Variants in LRP1B observed in about 807,000 individuals in gnomAD.
The protein encoded by LRP1B is LDL receptor related protein 1B.
A neutral mutation model predicts 556.6 loss-of-function variants in LRP1B; 217 were observed. The ratio of observed to expected loss-of-function variants is 0.39; its 90% confidence interval spans 0.35 to 0.44. The LOEUF (loss-of-function observed/expected upper bound fraction) is 0.44. LRP1B is among the 20% of genes least tolerant of loss of function. The pLI is 1.00. For missense variants in LRP1B, 5,053 were observed against 5,620.8 expected, an observed-to-expected ratio of 0.90 and a Z score of 3.23; for synonymous variants, 2,047 against 1,865.8, an observed-to-expected ratio of 1.10 and a Z score of -2.50.
chr2:142,112,868 A>C (rs975442826), intron 1 of LRP1B, among the ~76,000 whole-genome samples: 4 of 152,146 alleles, frequency 2.6e-5, no homozygotes, highest in African/African-American at 9.7e-5. Context: ...ACACAAAGCA[A>C]TGTGTGTTGC....
intron 43 of LRP1B, among the ~76,000 whole-genome samples, chr2:140,580,654 C>A (rs553306270): frequency 6.6e-5 from 10 of 151,786 alleles, no homozygotes; most frequent in Non-Finnish European, 1.5e-4. Context: ...CGGATGAAGT[C>A]TGTCATTATG....
At chr2:141,754,250 A>AG (rs1340248886) in intron 2 of LRP1B, among the ~76,000 whole-genome samples, 1 of 152,146 alleles carries the variant, frequency 6.6e-6, no homozygotes, top group African/African-American at 2.4e-5. Context: ...CAATGAAAAA[A>AG]AAAATCCTTG....
chr2:140,655,032 G>GTGTA (rs767709816), intron 41 of LRP1B, among the ~76,000 whole-genome samples: 4 of 147,090 alleles, frequency 2.7e-5, no homozygotes, highest in African/African-American at 1.0e-4. Flanking sequence ...GTATATGTAT[G>GTGTA]TATATATATA....
chr2:140,969,337 C>T (rs1246604271), intron 18 of LRP1B, among the ~76,000 whole-genome samples: 1 of 152,168 alleles, frequency 6.6e-6, no homozygotes, highest in Non-Finnish European at 1.5e-5. Context: ...TTATCAGAGA[C>T]TAGGATTGCA....
rs1680521640 is a variant in LRP1B, at chr2:140,232,681, A to G, written c.*505T>C. The G allele has an allele frequency of 6.6e-6, 1 of 151,728 alleles. No homozygotes were observed. Among genetic ancestry groups the G allele is most frequent in the African/African-American group, 2.4e-5 (1 of 41,322 alleles). The allele number at this position is 151,728 out of a possible 1,614,324, so 9.4% of individuals were successfully genotyped here. A position where few individuals can be genotyped will look rare whatever the true frequency, so the allele number is the denominator to read the frequency against. On this transcript the variant is annotated 3_prime_UTR_variant, in exon 91 of 91. Coordinates refer to ENST00000389484, the MANE Select transcript of LRP1B (RefSeq NM_018557.3). ...CAAAGCAGGTGATGCTGAACTTGTG[A>G]GAGCTATATATTTTCAGCAGAGTCT...
At chr2:141,308,977 A>G (rs895297511) in intron 3 of LRP1B, among the ~76,000 whole-genome samples, 1 of 152,216 alleles carries the variant, frequency 6.6e-6, no homozygotes, top group African/African-American at 2.4e-5. Context: ...AATAATAAGG[A>G]TTAAAAAGAG....
At chr2:141,961,202 G>C (rs1012588285) in intron 1 of LRP1B, among the ~76,000 whole-genome samples, 2 of 151,366 alleles carry the variant, frequency 1.3e-5, no homozygotes, top group African/African-American at 4.8e-5. Context: ...TCATTTTTCA[G>C]AGTCATTGCA....
At chr2:140,365,146 G>A (rs1055747049) in intron 71 of LRP1B, among the ~76,000 whole-genome samples, 2 of 151,292 alleles carry the variant, frequency 1.3e-5, no homozygotes, top group Admixed American at 1.3e-4. Context: ...TTTAAAATTT[G>A]TGTCTTTCTT....
At chr2:140,729,715 G>A (rs112170520) in intron 35 of LRP1B, among the ~76,000 whole-genome samples, 3 of 152,164 alleles carry the variant, frequency 2.0e-5, no homozygotes, top group East Asian at 1.9e-4. Flanking sequence ...AGCAATTCAC[G>A]TTACTTATCA....
intron 1 of LRP1B, among the ~76,000 whole-genome samples, chr2:142,022,035 CACA>C (rs2105177867): frequency 1.3e-5 from 2 of 152,154 alleles, no homozygotes; most frequent in South Asian, 4.1e-4. Context: ...ACTCTTAGAA[CACA>C]ACGAGCATGA....
intron 7 of LRP1B, among the ~76,000 whole-genome samples, chr2:141,096,042 G>A (rs1490884043): frequency 6.6e-6 from 1 of 151,792 alleles, no homozygotes; most frequent in Non-Finnish European, 1.5e-5. Flanking sequence ...GTCAGTAACT[G>A]CTAGACATTT....
chr2:140,835,442 C>T (rs1443715742), intron 31 of LRP1B, among the ~76,000 whole-genome samples: 2 of 152,210 alleles, frequency 1.3e-5, no homozygotes, highest in Non-Finnish European at 2.9e-5. Flanking sequence ...CTTTTCTCCC[C>T]TTTCCCTCCC....
intron 1 of LRP1B, among the ~76,000 whole-genome samples, chr2:142,094,831 TAA>T (rs1401392431): frequency 6.6e-6 from 1 of 151,772 alleles, no homozygotes; most frequent in African/African-American, 2.4e-5. Flanking sequence ...CGTTAGCACT[TAA>T]AGTCAGTTTC....
chr2:141,857,834 C>G (rs1213278245), intron 1 of LRP1B, among the ~76,000 whole-genome samples: 1 of 152,158 alleles, frequency 6.6e-6, no homozygotes, highest in Non-Finnish European at 1.5e-5. Context: ...TTTCACAGAA[C>G]AGCCTTCACC....
chr2:141,969,717 CA>C (rs1453978557), intron 1 of LRP1B, among the ~76,000 whole-genome samples: 2 of 151,768 alleles, frequency 1.3e-5, no homozygotes, highest in African/African-American at 4.8e-5. Context: ...CACTGGAGTG[CA>C]AACATCTCTT....
chr2:140,843,067 G>GTTTTT (rs1232129942), intron 29 of LRP1B, among the ~76,000 whole-genome samples: 5 of 10,642 alleles, frequency 4.7e-4, no homozygotes, highest in African/African-American at 1.2e-3. Flanking sequence ...TTTTTTTTTT[G>GTTTTT]TTTTTTTTTT....
At chr2:140,825,244 T>A (rs1244237672) in intron 31 of LRP1B, among the ~76,000 whole-genome samples, 1 of 152,102 alleles carries the variant, frequency 6.6e-6, no homozygotes, top group African/African-American at 2.4e-5. Flanking sequence ...AAATAACTTG[T>A]TAAAATGTAA....
chr2:140,733,075 C>A (rs1687830925), intron 35 of LRP1B, among the ~76,000 whole-genome samples: 2 of 152,060 alleles, frequency 1.3e-5, no homozygotes, highest in Admixed American at 1.3e-4. Context: ...CCTCATAGAT[C>A]TTAAAAGAAA....
chr2:140,794,061 T>TC (rs1424584377), intron 32 of LRP1B, among the ~76,000 whole-genome samples: 1 of 152,088 alleles, frequency 6.6e-6, no homozygotes, highest in Non-Finnish European at 1.5e-5. Context: ...TAGAAATAAA[T>TC]CACAATATAA....
Sources: gnomAD v4.1 joint callset for allele counts (sites outside exome capture counted in the v4.1 genomes callset) on GRCh38, gnomAD v4.1.1 for gene constraint, MANE v1.5 for transcripts, NCBI Gene and HGNC (gene_info 2026-07-23, HGNC 2026-07-21) for gene names.